Variants in DMD observed in about 807,000 individuals in gnomAD.
The protein encoded by DMD is mutant dystrophin.
In DMD, 63 loss-of-function variants were observed where a neutral mutation model predicts 330.1. The ratio of observed to expected loss-of-function variants is 0.19; its 90% confidence interval spans 0.16 to 0.24. The LOEUF is 0.24. Ranked by LOEUF, DMD falls within the 10% of genes least tolerant of loss-of-function variation. The pLI is 1.00. For missense variants in DMD, 3,344 were observed against 2,684.1 expected, an observed-to-expected ratio of 1.25 and a Z score of -5.43; for synonymous variants, 1,223 against 959.8, an observed-to-expected ratio of 1.27 and a Z score of -5.07.
intron 61 of DMD, among the ~76,000 whole-genome samples, chrX:31,339,732 C>A (rs1386894765): frequency 9.0e-6 from 1 of 111,562 alleles, no homozygotes; most frequent in African/African-American, 3.3e-5. Flanking sequence ...CATGCCACCA[C>A]GCCCAGCTAA....
intron 63 of DMD, among the ~76,000 whole-genome samples, chrX:31,257,835 A>G (rs2050121312): frequency 8.9e-6 from 1 of 111,882 alleles, no homozygotes; most frequent in Non-Finnish European, 1.9e-5. Flanking sequence ...AATCCCAGCT[A>G]CTCGGGAGGC....
In DMD at chrX:31,137,553, T is replaced by C. The variant is rs187628411; in HGVS notation, c.10922-3359A>G. On this transcript the variant is annotated intron_variant, in intron 76 of 78. Transcript: ENST00000357033. Reference sequence around the variant, plus strand: ...AAAGTTTAAAAACAGTAAGATTCATTTATTTATTCAAATATTTATTAAAAT... The same window carrying C: ...AAAGTTTAAAAACAGTAAGATTCATCTATTTATTCAAATATTTATTAAAAT... Among the ~76,000 whole-genome samples the C allele has an allele frequency of 6.0e-3, 666 of 110,907 alleles. 6 individuals carry two copies. Among genetic ancestry groups the C allele is most frequent in the Middle Eastern group, 0.014 (3 of 216 alleles).
chrX:31,643,228 A>G (rs2079878713), intron 54 of DMD, among the ~76,000 whole-genome samples: 1 of 111,705 alleles, frequency 9.0e-6, no homozygotes, highest in African/African-American at 3.2e-5. Context: ...TCACCTTCTT[A>G]TTGACAACAT....
intron 2 of DMD, among the ~76,000 whole-genome samples, chrX:32,987,606 A>G (rs748591371): frequency 9.0e-6 from 1 of 111,288 alleles, no homozygotes; most frequent in East Asian, 2.8e-4. Context: ...AAACTGCCAC[A>G]TTCTAATTAA....
At chrX:32,131,248 A>C (rs2096692373) in intron 44 of DMD, among the ~76,000 whole-genome samples, 1 of 112,392 alleles carries the variant, frequency 8.9e-6, no homozygotes, top group Non-Finnish European at 1.9e-5. Flanking sequence ...TTTCATTAGC[A>C]TATAAGATCC....
rs952838078 is a variant in DMD at position 32,617,756 on chromosome X, A to G, written c.1332-3303T>C. ...ATTTCTGCACAGCAAAAAAATTAAA[A>G]TTAAAATTAAAAATTAACAGAGTAA... is the stretch of plus-strand genomic sequence containing the variant. On this transcript the variant is annotated intron_variant, in intron 11 of 78. Coordinates refer to ENST00000357033, the MANE Select transcript of DMD (RefSeq NM_004006.3). 2.8e-4 allele frequency among the ~76,000 whole-genome samples: 31 copies of G among 111,395 alleles called. 1 individual carries two copies. The highest frequency in any genetic ancestry group is 2.7e-3 in the Admixed American group (28 of 10,434).
At chrX:31,803,524 C>T in intron 50 of DMD, among the ~76,000 whole-genome samples, 1 of 111,188 alleles carries the variant, frequency 9.0e-6, no homozygotes, top group African/African-American at 3.3e-5. Flanking sequence ...ATACCTTGAC[C>T]CCACCCTTGT....
chrX:31,329,802 C>T (rs2056998276), intron 61 of DMD, among the ~76,000 whole-genome samples: 1 of 107,978 alleles, frequency 9.3e-6, no homozygotes, highest in South Asian at 4.1e-4. Context: ...GAAACCCCAT[C>T]TCTACTAAAA....
intron 67 of DMD, among the ~76,000 whole-genome samples, chrX:31,186,049 T>C (rs148985315): frequency 4.5e-5 from 5 of 112,020 alleles, no homozygotes; most frequent in Admixed American, 1.9e-4. Flanking sequence ...ACATTTCAGA[T>C]AGAAAGGCAG....
intron 7 of DMD, among the ~76,000 whole-genome samples, chrX:32,804,195 C>A (rs1469915894): frequency 1.8e-5 from 2 of 111,625 alleles, no homozygotes; most frequent in Non-Finnish European, 3.8e-5. Flanking sequence ...AGATCCAACG[C>A]CCACGGAGCC....
At chrX:31,363,507 A>G (rs897469806) in intron 60 of DMD, among the ~76,000 whole-genome samples, 1 of 104,234 alleles carries the variant, frequency 9.6e-6, no homozygotes, top group Non-Finnish European at 1.9e-5. Context: ...CGGCCTCCCC[A>G]GTAGCTGGGA....
chrX:32,494,972 C>G (rs191746602), intron 19 of DMD, among the ~76,000 whole-genome samples: 1 of 111,112 alleles, frequency 9.0e-6, no homozygotes, highest in Non-Finnish European at 1.9e-5. Context: ...AAGAGCCTGT[C>G]ACCAACTAAA....
At chrX:33,216,508 C>T (rs1054090873), upstream of DMD, among the ~76,000 whole-genome samples, 17 of 110,992 alleles carry the variant, frequency 1.5e-4, no homozygotes, top group Admixed American at 9.6e-5. Flanking sequence ...ATGCTCACTA[C>T]CTGGGTGACT....
intron 59 of DMD, among the ~76,000 whole-genome samples, chrX:31,459,436 G>A (rs963013492): frequency 2.7e-5 from 3 of 111,611 alleles, no homozygotes; most frequent in African/African-American, 9.8e-5. Flanking sequence ...CCTGTACTTC[G>A]GCATATATTG....
chrX:31,924,932 A>C (rs954649287), intron 47 of DMD, among the ~76,000 whole-genome samples: 2 of 112,195 alleles, frequency 1.8e-5, no homozygotes, highest in Non-Finnish European at 3.8e-5. Context: ...ATTTAAACTT[A>C]TTTAACAAAA....
intron 29 of DMD, among the ~76,000 whole-genome samples, chrX:32,416,416 G>A: frequency 8.9e-6 from 1 of 111,838 alleles, no homozygotes; most frequent in Non-Finnish European, 1.9e-5. Context: ...TCATTGTGAT[G>A]TAGACATGTA....
intron 4 of DMD, among the ~76,000 whole-genome samples, chrX:32,839,609 A>G (rs1190208636): frequency 8.9e-6 from 1 of 112,657 alleles, no homozygotes; most frequent in African/African-American, 3.2e-5. Flanking sequence ...CAACTTTAGA[A>G]AAAAAATCCT....
rs530422989 is a variant in DMD at position 32,954,891 on chromosome X, C to T, written c.93+65248G>A. On this transcript the variant is annotated intron_variant, in intron 2 of 78. Transcript: ENST00000357033. ...ATGGTCTCATTCTTTCTTATGGCTA[C>T]GCAGTATACCATGGTGTATATGTAC... 9.8e-3 allele frequency among the ~76,000 whole-genome samples: 1,098 copies of T among 111,950 alleles called. 3 individuals are homozygous for T. The highest frequency in any genetic ancestry group is 0.032 in the Middle Eastern group (7 of 217).
chrX:31,376,760 C>T (rs1353525474), intron 60 of DMD, among the ~76,000 whole-genome samples: 1 of 112,128 alleles, frequency 8.9e-6, no homozygotes, highest in African/African-American at 3.2e-5. Context: ...TGATCCTAAG[C>T]CAGTGGTTGT....
Sources: gnomAD v4.1 joint callset for allele counts (sites outside exome capture counted in the v4.1 genomes callset) on GRCh38, gnomAD v4.1.1 for gene constraint, MANE v1.5 for transcripts, NCBI Gene and HGNC (gene_info 2026-07-23, HGNC 2026-07-21) for gene names.